The following PLAG1 variants were observed in gnomAD, a reference collection of about 807,000 sequenced individuals.
PLAG1 encodes PLAG1 zinc finger, also known as zinc finger protein PLAG1.
A neutral mutation model predicts 35.5 loss-of-function variants in PLAG1; 7 were observed. The ratio of observed to expected loss-of-function variants is 0.20; its 90% confidence interval spans 0.11 to 0.37. The LOEUF is 0.37. Among genes scored for constraint, PLAG1 ranks in the 10% least tolerant of loss-of-function variants. PLAG1 has a pLI of 1.00. For synonymous variants in PLAG1, 229 were observed against 225.4 expected (o/e 1.02, Z -0.14); for missense variants, 454 against 602.8 (o/e 0.75, Z 2.58).
chr8:56,187,046 C>A (rs772338185), intron 1 of PLAG1, among the ~76,000 whole-genome samples: 1 of 152,202 alleles, frequency 6.6e-6, no homozygotes, highest in Non-Finnish European at 1.5e-5. Context: ...CTCACTTAAG[C>A]CTTTGCAGTG....
chr8:56,204,689 C>G (rs957797788), intron 1 of PLAG1, among the ~76,000 whole-genome samples: 2 of 151,862 alleles, frequency 1.3e-5, no homozygotes, highest in Non-Finnish European at 3.0e-5. Flanking sequence ...AATATTATCA[C>G]ATTCAGAAAC....
Position 56,166,766 on chromosome 8 carries a change from G to A in PLAG1, c.980C>T (p.Ser327Phe), listed in dbSNP as rs1811367857. 6.2e-7 allele frequency: 1 copy of A among 1,614,126 alleles called. No homozygotes were observed. Among genetic ancestry groups the A allele is most frequent in the Non-Finnish European group, 8.5e-7 (1 of 1,179,992 alleles). ...CGGATATTTGAAAGAAAGGTGGTGA[G>A]AGGGATGAACAGTGTCCATATCTAT... is the stretch of plus-strand genomic sequence containing the variant. Reference protein sequence around the residue: ...CPIDMDTVHPSHHLSFKYPFS... With the variant: ...CPIDMDTVHPFHHLSFKYPFS... Residue 327 changes from serine (S) to phenylalanine (F), a missense_variant, in exon 5 of 5, where the codon TCT becomes TTT. By Grantham distance (155) the Ser-to-Phe change is radical. Around this residue, in one of 4 missense-constraint regions of PLAG1, gnomAD observed 271 missense variants for 315.6 expected, o/e 0.86. Transcript: ENST00000316981.
At chr8:56,170,793 A>G (rs1398531816) in intron 3 of PLAG1, among the ~76,000 whole-genome samples, 1 of 152,220 alleles carries the variant, frequency 6.6e-6, no homozygotes, top group Non-Finnish European at 1.5e-5. Flanking sequence ...GTGATAATCA[A>G]TATGGAGTAA....
chr8:56,209,322 T>C (rs1408280877), intron 1 of PLAG1: 1 of 152,230 alleles, frequency 6.6e-6, no homozygotes, highest in East Asian at 1.9e-4. Flanking sequence ...AAGGAACAGT[T>C]TGGATACAAA....
At chr8:56,185,996 T>C (rs1270047341) in intron 1 of PLAG1, among the ~76,000 whole-genome samples, 1 of 151,240 alleles carries the variant, frequency 6.6e-6, no homozygotes, top group Admixed American at 6.6e-5. Flanking sequence ...GAACAAGTAT[T>C]AGCCAGGCAT....
chr8:56,185,360 CA>C (rs1379735380), intron 1 of PLAG1, among the ~76,000 whole-genome samples: 1 of 152,084 alleles, frequency 6.6e-6, no homozygotes, highest in Non-Finnish European at 1.5e-5. Context: ...GCAGTTTATA[CA>C]ATATCAATTA....
At chr8:56,201,321 A>G (rs1812546323) in intron 1 of PLAG1, among the ~76,000 whole-genome samples, 1 of 152,218 alleles carries the variant, frequency 6.6e-6, no homozygotes, top group Admixed American at 6.5e-5. Context: ...ATGTTTATTC[A>G]TTATTCTGAA....
intron 2 of PLAG1, among the ~76,000 whole-genome samples, chr8:56,173,070 A>G (rs1811578113): frequency 6.6e-6 from 1 of 152,120 alleles, no homozygotes; most frequent in South Asian, 2.1e-4. Flanking sequence ...ATCCATATAA[A>G]TTTTATTGCA....
intron 1 of PLAG1, among the ~76,000 whole-genome samples, chr8:56,183,047 T>C (rs1811917934): frequency 1.3e-5 from 2 of 152,164 alleles, no homozygotes; most frequent in African/African-American, 4.8e-5. Flanking sequence ...AGAATGGCAC[T>C]TGGCTAGGGG....
chr8:56,170,816 G>C (rs1251710277), intron 3 of PLAG1, among the ~76,000 whole-genome samples: 2 of 152,108 alleles, frequency 1.3e-5, no homozygotes, highest in Non-Finnish European at 2.9e-5. Context: ...AATGAATTCT[G>C]TTATCTTTGG....
At chr8:56,180,317 T>G (rs1329948789) in intron 1 of PLAG1, among the ~76,000 whole-genome samples, 1 of 152,200 alleles carries the variant, frequency 6.6e-6, no homozygotes, top group African/African-American at 2.4e-5. Context: ...TATCTGACAC[T>G]GATGGAATAA....
intron 1 of PLAG1, among the ~76,000 whole-genome samples, chr8:56,203,248 A>G (rs934985371): frequency 6.6e-6 from 1 of 152,178 alleles, no homozygotes; most frequent in African/African-American, 2.4e-5. Flanking sequence ...AGATACAAAA[A>G]CAACTATCTG....
intron 1 of PLAG1, among the ~76,000 whole-genome samples, chr8:56,197,263 C>T (rs2129233003): frequency 6.6e-6 from 1 of 152,296 alleles, no homozygotes; most frequent in Non-Finnish European, 1.5e-5. Flanking sequence ...GTGTCTCCCT[C>T]TGCCGTGGGA....
chr8:56,193,412 A>G (rs528104928), intron 1 of PLAG1, among the ~76,000 whole-genome samples: 1 of 152,364 alleles, frequency 6.6e-6, no homozygotes, highest in African/African-American at 2.4e-5. Context: ...CCTACACAGT[A>G]AACCTACATG....
rs1453275260 is a variant in PLAG1 at position 56,166,911 on chromosome 8, A to G, written c.835T>C (p.Ser279Pro). 9.9e-6 allele frequency: 16 copies of G among 1,613,984 alleles called. No individual in the cohort carries two copies. Among genetic ancestry groups the G allele is most frequent in the Middle Eastern group, 1.6e-4 (1 of 6,084 alleles). The change falls in exon 5 of 5, where the codon TCA (serine) becomes CCA (proline). Residue 279 changes from serine to proline, a missense_variant. Coordinates refer to ENST00000316981, the MANE Select transcript of PLAG1 (RefSeq NM_002655.3). The part of the protein sequence containing the change: ...VMSLPSSELL[S>P]KPFTNTLQLN... ...TGCAAAGTGTTTGTGAATGGCTTTG[A>G]TAACAGTTCACTGGAAGGTAAGGAC...
intron 1 of PLAG1, among the ~76,000 whole-genome samples, chr8:56,203,120 GA>G (rs771052870): frequency 3.7e-4 from 56 of 151,462 alleles, no homozygotes; most frequent in African/African-American, 9.2e-4. Context: ...CCACATATTT[GA>G]AAAAAAACTA....
Position 56,166,071 on chromosome 8 carries a change from G to T in PLAG1, c.*172C>A. 2.4e-6 allele frequency: 1 copy of T among 421,100 alleles called. No individual in the cohort carries two copies. Among genetic ancestry groups the T allele is most frequent in the Non-Finnish European group, 4.3e-6 (1 of 234,160 alleles). The allele number at this position is 421,100 out of a possible 1,614,324, so 26.1% of individuals were successfully genotyped here. On this transcript the variant is annotated 3_prime_UTR_variant, in exon 5 of 5. Transcript: ENST00000316981. Reference sequence around the variant, plus strand: ...AGGTAAACTTAACTGAACACAAATGGTTCCAAAGCTCAGTTTAAAAGCTAG... The same window carrying T: ...AGGTAAACTTAACTGAACACAAATGTTTCCAAAGCTCAGTTTAAAAGCTAG...
At chr8:56,205,336 T>G (rs1812667472) in intron 1 of PLAG1, among the ~76,000 whole-genome samples, 2 of 151,878 alleles carry the variant, frequency 1.3e-5, no homozygotes, top group African/African-American at 4.8e-5. Flanking sequence ...AAAAGTAATT[T>G]TTCTTATTTA....
intron 1 of PLAG1, among the ~76,000 whole-genome samples, chr8:56,183,527 T>G (rs1811933985): frequency 6.6e-6 from 1 of 152,340 alleles, no homozygotes; most frequent in African/African-American, 2.4e-5. Context: ...ATTTACACTA[T>G]TATTCCAATT....
Sources: gnomAD v4.1 joint callset for allele counts (sites outside exome capture counted in the v4.1 genomes callset) on GRCh38, gnomAD v4.1.1 for gene constraint, gnomAD v4.1.1 regional missense constraint, MANE v1.5 for transcripts, NCBI Gene and HGNC (gene_info 2026-07-23, HGNC 2026-07-21) for gene names.